The following MAP4K5 variants were observed in gnomAD, a reference collection of about 807,000 sequenced individuals.
The protein encoded by MAP4K5 is MAPK/ERK kinase kinase kinase 5.
In MAP4K5, 82 loss-of-function variants were observed where a neutral mutation model predicts 135.6. The observed-to-expected ratio is 0.60, with a 90% CI of 0.51 to 0.73. MAP4K5 has a LOEUF of 0.73. Ranked by LOEUF, MAP4K5 falls within the 30% of genes least tolerant of loss-of-function variation. The pLI is 0.00. For synonymous variants in MAP4K5, 347 were observed against 335.0 expected, an observed-to-expected ratio of 1.04 and a Z score of -0.39; for missense variants, 907 against 1,010.9, an observed-to-expected ratio of 0.90 and a Z score of 1.39.
chr14:50,430,905 C>T (rs1299984284), intron 28 of MAP4K5, among the ~76,000 whole-genome samples: 1 of 152,060 alleles, frequency 6.6e-6, no homozygotes, highest in Non-Finnish European at 1.5e-5. Context: ...AGCTGTTTGC[C>T]GGAGTGAGGG....
chr14:50,492,302 T>C (rs2037501196), intron 3 of MAP4K5, among the ~76,000 whole-genome samples: 1 of 151,990 alleles, frequency 6.6e-6, no homozygotes, highest in African/African-American at 2.4e-5. Context: ...GCCTCAAATT[T>C]CAAAATTTTG....
chr14:50,482,392 T>G lies in MAP4K5; in HGVS notation c.347A>C (p.Gln116Pro). ...YHVTGPLSEL[Q>P]IAYVCRETLQ... is the part of the protein sequence containing the mutation. ...GGTTTCTCTGCATACATAGGCTATT[T>G]GCAATTCTGATAATGGTCCAGTAAC... Residue 116 changes from glutamine to proline, a missense_variant, in exon 6 of 33, where the codon CAA (glutamine) becomes CCA (proline). Physicochemically the swap from Gln to Pro is moderately conservative, Grantham distance 76. This residue lies in a region of MAP4K5 where 196 missense variants were observed against 189.3 expected (regional missense o/e 1.04). Coordinates refer to ENST00000682126, the MANE Select transcript of MAP4K5 (RefSeq NM_006575.6). The G allele has an allele frequency of 6.5e-7, 1 of 1,534,174 alleles. No individual in the cohort carries two copies. The highest frequency in any genetic ancestry group is 8.8e-7 in the Non-Finnish European group (1 of 1,142,190).
chr14:50,448,924 G>A (rs1387756870), intron 14 of MAP4K5, 92 bp from the exon 15 acceptor site: 3 of 674,274 alleles, frequency 4.4e-6, no homozygotes, highest in Admixed American at 5.5e-5. Context: ...GGGTGGGGGA[G>A]GGAGAAAGAA....
chr14:50,444,086 C>T (rs373846815), intron 18 of MAP4K5, 50 bp from the exon 19 acceptor site: 3 of 1,270,970 alleles, frequency 2.4e-6, no homozygotes, highest in East Asian at 2.5e-5. Context: ...TAAGCACTTT[C>T]CTTGAAAAAT....
At position 50,474,527 on chromosome 14, in the gene MAP4K5, G is replaced by C. The variant is rs2037052520; in HGVS notation, c.542+550C>G. ...TATCAATAATGAAAGCAGTGTTTTA[G>C]AAAGATTATTTTGTCAGTAATCAGT... On this transcript the variant is annotated intron_variant, in intron 9 of 32. Coordinates refer to ENST00000682126, the MANE Select transcript of MAP4K5 (RefSeq NM_006575.6). 2.0e-5 allele frequency among the ~76,000 whole-genome samples: 3 copies of C among 152,164 alleles called. No individual in the cohort carries two copies. The South Asian group carries it at 6.2e-4, about 32-fold the overall frequency.
At chr14:50,479,557 G>T (rs1010678225) in intron 6 of MAP4K5, among the ~76,000 whole-genome samples, 2 of 152,048 alleles carry the variant, frequency 1.3e-5, no homozygotes, top group African/African-American at 4.8e-5. Context: ...ATCTCTAGAA[G>T]TTTGACTTGG....
intron 17 of MAP4K5, 77 bp from the exon 18 acceptor site, chr14:50,445,271 C>CT (rs2139722990): frequency 7.3e-7 from 1 of 1,370,602 alleles, no homozygotes; most frequent in African/African-American, 1.4e-5. Flanking sequence ...GGAAATGCAC[C>CT]TTTTTTCATT....
chr14:50,496,498 T>TTA (rs1057278642), intron 3 of MAP4K5, among the ~76,000 whole-genome samples: 9 of 151,924 alleles, frequency 5.9e-5, no homozygotes, highest in African/African-American at 2.2e-4. Flanking sequence ...ACATATATTA[T>TTA]TATATATATA....
chr14:50,477,109 T>G (rs1205070927), intron 6 of MAP4K5, among the ~76,000 whole-genome samples: 1 of 152,256 alleles, frequency 6.6e-6, no homozygotes, highest in Non-Finnish European at 1.5e-5. Flanking sequence ...AGTCTTCTGG[T>G]TTGTGAACAT....
At chr14:50,516,715 A>G (rs2038040980) in intron 2 of MAP4K5, among the ~76,000 whole-genome samples, 1 of 152,200 alleles carries the variant, frequency 6.6e-6, no homozygotes, top group South Asian at 2.1e-4. Flanking sequence ...CATTTTTAGT[A>G]TAACTGTAGT....
At chr14:50,458,434 C>G (rs982753141) in intron 13 of MAP4K5, among the ~76,000 whole-genome samples, 3 of 152,176 alleles carry the variant, frequency 2.0e-5, no homozygotes, top group Admixed American at 6.5e-5. Flanking sequence ...CTATCCCTCC[C>G]TTCACAACTC....
intron 9 of MAP4K5, among the ~76,000 whole-genome samples, chr14:50,473,273 C>T (rs2037008435): frequency 6.6e-6 from 1 of 151,942 alleles, no homozygotes; most frequent in African/African-American, 2.4e-5. Flanking sequence ...GTTTTGGTTA[C>T]CCCTCACCTA....
chr14:50,442,502 A>C (rs542346468), intron 21 of MAP4K5, among the ~76,000 whole-genome samples: 3 of 152,284 alleles, frequency 2.0e-5, no homozygotes, highest in African/African-American at 7.2e-5. Flanking sequence ...GGATGCAATC[A>C]GTTGTGATTT....
At chr14:50,473,554 T>C (rs548375651) in intron 9 of MAP4K5, among the ~76,000 whole-genome samples, 6 of 152,164 alleles carry the variant, frequency 3.9e-5, no homozygotes, top group Non-Finnish European at 8.8e-5. Flanking sequence ...CCTGTTTTTT[T>C]ACTTGCCTTT....
chr14:50,430,129 C>CACACATATATATATATGA, intron 28 of MAP4K5, among the ~76,000 whole-genome samples: 1 of 152,094 alleles, frequency 6.6e-6, no homozygotes, highest in East Asian at 1.9e-4. Context: ...TATTCACACA[C>CACACATATATATATATGA]ACACATATAT....
chr14:50,476,363 C>CTTTTCTACT, intron 6 of MAP4K5, 57 bp from the exon 7 acceptor site: 2 of 817,388 alleles, frequency 2.4e-6, no homozygotes, highest in Non-Finnish European at 1.8e-6. Flanking sequence ...AATGTGACTC[C>CTTTTCTACT]TAAATTTTCT....
At chr14:50,536,328 T>C (rs969612564), upstream of MAP4K5, among the ~76,000 whole-genome samples, 35 of 150,996 alleles carry the variant, frequency 2.3e-4, no homozygotes, top group African/African-American at 7.6e-4. Flanking sequence ...CCCAGCTACT[T>C]GGGAGGCTGA....
chr14:50,435,564 G>A (rs1300778064), intron 26 of MAP4K5, among the ~76,000 whole-genome samples: 8 of 151,414 alleles, frequency 5.3e-5, no homozygotes, highest in Non-Finnish European at 8.8e-5. Flanking sequence ...AAGAGATGGG[G>A]TCTCACTATG....
rs990871678 is a variant in MAP4K5 at position 50,473,640 on chromosome 14, A to C, written c.542+1437T>G. ...TTAAATCTATCAGCATTTCCTTTTAAGGTTTTATTCTTTATGTTCAGAAAG... is the reference window on the plus strand; with the variant it reads ...TTAAATCTATCAGCATTTCCTTTTACGGTTTTATTCTTTATGTTCAGAAAG... On this transcript the variant is annotated intron_variant, in intron 9 of 32. Transcript: ENST00000682126. 5.9e-5 allele frequency among the ~76,000 whole-genome samples: 9 copies of C among 151,532 alleles called. 1 individual carries two copies. The highest frequency in any genetic ancestry group is 2.0e-4 in the Admixed American group (3 of 15,236).
Sources: allele counts gnomAD v4.1 joint callset (sites outside exome capture counted in the v4.1 genomes callset), GRCh38; gene constraint gnomAD v4.1.1; regional missense constraint gnomAD v4.1.1; transcripts MANE v1.5; gene names NCBI Gene and HGNC (gene_info 2026-07-23, HGNC 2026-07-21).